The following AXIN1 variants were observed in gnomAD, a reference collection of about 807,000 sequenced individuals.
AXIN1 encodes axin 1, also known as axin-1.
A neutral mutation model predicts 76.4 loss-of-function variants in AXIN1; 30 were observed. That is an observed-to-expected ratio of 0.39 (90% confidence interval 0.29 to 0.53). The LOEUF is 0.53. AXIN1 is among the 20% of genes least tolerant of loss of function. The pLI is 0.66. For missense variants in AXIN1, 1,140 were observed against 1,198.8 expected (o/e 0.95, Z 0.72); for synonymous variants, 545 against 501.4 (o/e 1.09, Z -1.16).
At chr16:303,186 CGA>C (rs1420274739) in intron 5 of AXIN1, among the ~76,000 whole-genome samples, 2 of 151,930 alleles carry the variant, frequency 1.3e-5, no homozygotes, top group Non-Finnish European at 1.5e-5. Context: ...GCAAGTGAGA[CGA>C]CCAGGTGGGA....
At chr16:316,967 C>T (rs2053317405) in intron 2 of AXIN1, among the ~76,000 whole-genome samples, 1 of 152,188 alleles carries the variant, frequency 6.6e-6, no homozygotes, top group Non-Finnish European at 1.5e-5. Context: ...AACCAAGACA[C>T]CTCCCAAGGC....
chr16:307,619 A>T lies in AXIN1; in HGVS notation c.1116+2354T>A, dbSNP rs1053476563. Among the ~76,000 whole-genome samples the T allele has an allele frequency of 6.6e-5, 10 of 152,268 alleles. 1 individual carries two copies. The South Asian group carries it at 1.9e-3, about 28-fold the overall frequency. ...GCTCCAACTCTGATGGGCAGGTGTT[A>T]AAGAGTCTCACAAGGTGCACACAGC... On this transcript the variant is annotated intron_variant, in intron 4 of 10. Transcript: ENST00000262320.
At chr16:323,990 A>G (rs1320851200) in intron 2 of AXIN1, among the ~76,000 whole-genome samples, 1 of 152,170 alleles carries the variant, frequency 6.6e-6, no homozygotes, top group Non-Finnish European at 1.5e-5. Flanking sequence ...CAAAGCCCAC[A>G]GGAGAGCCCC....
chr16:348,133 C>G lies in AXIN1; in HGVS notation c.-81-1027G>C, dbSNP rs56774603. On this transcript the variant is annotated intron_variant, in intron 1 of 10. Coordinates refer to ENST00000262320, the MANE Select transcript of AXIN1 (RefSeq NM_003502.4). ...GTGCAAAAGAGAGTAGATAAGGGCT[C>G]CAACAGAACCCCTGCCATGGTCTAT... Among the ~76,000 whole-genome samples, 790 of 152,270 alleles carry G rather than the reference C, an allele frequency of 5.2e-3. 9 individuals are homozygous for G. Among genetic ancestry groups the G allele is most frequent in the African/African-American group, 0.017 (722 of 41,516 alleles).
Position 344,862 on chromosome 16 carries a change from C to T in AXIN1, c.878+1286G>A, listed in dbSNP as rs147329045. Among the ~76,000 whole-genome samples the T allele has an allele frequency of 9.6e-4, 146 of 152,236 alleles. 4 individuals carry two copies. The East Asian group carries it at 0.023, about 24-fold the overall frequency. On this transcript the variant is annotated intron_variant, in intron 2 of 10. Transcript: ENST00000262320. ...ACATGTTTAATCCTGTGTTGATGAG[C>T]GAGTAGCCAATTTCTGTGTCACAGT...
chr16:335,992 T>C (rs1008388615), intron 2 of AXIN1, among the ~76,000 whole-genome samples: 2 of 152,164 alleles, frequency 1.3e-5, no homozygotes, highest in African/African-American at 4.8e-5. Context: ...CCTAGCACTT[T>C]GGGAGGCCAA....
chr16:297,888 G>A lies in AXIN1; in HGVS notation c.1618C>T (p.His540Tyr). Reference sequence around the variant, plus strand: ...TCCTTGGGCCGGGCTGTGCTGTGGTGGACGTGGTGGTGGACGTGTCGGTGG... The same window carrying A: ...TCCTTGGGCCGGGCTGTGCTGTGGTAGACGTGGTGGTGGACGTGTCGGTGG... ...HHHRHVHHHV[H>Y]HSTARPKEQV... The change falls in exon 6 of 11, where the codon CAC becomes TAC. Residue 540 changes from histidine to tyrosine, a missense_variant. Coordinates refer to ENST00000262320, the MANE Select transcript of AXIN1 (RefSeq NM_003502.4). 1 of 1,591,148 alleles carries A rather than the reference G, an allele frequency of 6.3e-7. No homozygotes were observed. The highest frequency in any genetic ancestry group is 8.6e-7 in the Non-Finnish European group (1 of 1,167,742).
intron 1 of AXIN1, 31 bp from the exon 2 acceptor site, chr16:347,137 G>A: frequency 6.3e-7 from 1 of 1,585,202 alleles, no homozygotes. Context: ...ACAAGGATTA[G>A]GAAAGGTGGG....
chr16:344,444 AAT>A (rs2053993477), intron 2 of AXIN1, among the ~76,000 whole-genome samples: 1 of 150,506 alleles, frequency 6.6e-6, no homozygotes, highest in Admixed American at 6.6e-5. Flanking sequence ...AAAAAAAAAA[AAT>A]TAACCAATTA....
chr16:324,813 C>T (rs1424221357), intron 2 of AXIN1, among the ~76,000 whole-genome samples: 2 of 152,220 alleles, frequency 1.3e-5, no homozygotes, highest in South Asian at 2.1e-4. Context: ...GCAGAGGCAG[C>T]TTCCGGCAGC....
intron 6 of AXIN1, 111 bp from the exon 7 acceptor site, chr16:297,337 G>T: frequency 1.4e-6 from 2 of 1,404,992 alleles, no homozygotes; most frequent in Admixed American, 1.8e-5. Context: ...TGGTGCAGCC[G>T]CCGCCCGCTG....
At chr16:338,209 C>G (rs2053846342) in intron 2 of AXIN1, among the ~76,000 whole-genome samples, 1 of 152,220 alleles carries the variant, frequency 6.6e-6, no homozygotes, top group South Asian at 2.1e-4. Context: ...GCGTGTGCGT[C>G]AATTCAAATC....
chr16:295,284 T>C (rs909622860), intron 7 of AXIN1, among the ~76,000 whole-genome samples: 6 of 151,676 alleles, frequency 4.0e-5, no homozygotes, highest in African/African-American at 1.5e-4. Flanking sequence ...TTTTGTATTT[T>C]TTTTAGTAGA....
At chr16:311,104 A>T (rs1362591294) in intron 3 of AXIN1, among the ~76,000 whole-genome samples, 2 of 1,318 alleles carry the variant, frequency 1.5e-3, no homozygotes, top group East Asian at 0.037. Flanking sequence ...GCGATCTCGG[A>T]TCACTGCAAG....
At chr16:302,548 G>C (rs1257066603) in intron 5 of AXIN1, among the ~76,000 whole-genome samples, 1 of 152,224 alleles carries the variant, frequency 6.6e-6, no homozygotes, top group Non-Finnish European at 1.5e-5. Flanking sequence ...AGGTCTGCCT[G>C]CCATCTCAAT....
At chr16:288,868 G>C (rs1332441381) in intron 10 of AXIN1, among the ~76,000 whole-genome samples, 1 of 152,224 alleles carries the variant, frequency 6.6e-6, no homozygotes, top group Non-Finnish European at 1.5e-5. Flanking sequence ...GGTCGGCCTA[G>C]GGGAGCCTAA....
chr16:338,942 T>C (rs958833546), intron 2 of AXIN1, among the ~76,000 whole-genome samples: 70 of 145,768 alleles, frequency 4.8e-4, no homozygotes, highest in African/African-American at 1.7e-3. Flanking sequence ...AAAAAAAAAG[T>C]GGGATGCAAG....
chr16:329,772 A>T (rs375212454), intron 2 of AXIN1, among the ~76,000 whole-genome samples: 1 of 148,552 alleles, frequency 6.7e-6, no homozygotes, highest in Non-Finnish European at 1.5e-5. Flanking sequence ...TACAGGTGCC[A>T]GCCACCTTGC....
At chr16:328,556 C>T (rs2053627758) in intron 2 of AXIN1, among the ~76,000 whole-genome samples, 1 of 150,338 alleles carries the variant, frequency 6.7e-6, no homozygotes, top group Non-Finnish European at 1.5e-5. Flanking sequence ...ATTAGCCAGG[C>T]GTGGTGGCAC....
Sources: allele counts gnomAD v4.1 joint callset (sites outside exome capture counted in the v4.1 genomes callset), GRCh38; gene constraint gnomAD v4.1.1; transcripts MANE v1.5; gene names NCBI Gene and HGNC (gene_info 2026-07-23, HGNC 2026-07-21).